The following GPC5 variants were observed in gnomAD, a reference collection of about 807,000 sequenced individuals.
GPC5 encodes the protein glypican 5, also known as glypican-5.
In GPC5, 47 loss-of-function variants were observed where a neutral mutation model predicts 53.9. The ratio of observed to expected loss-of-function variants is 0.87; its 90% CI spans 0.69 to 1.11. GPC5 has a LOEUF of 1.11. Among genes scored for constraint, GPC5 ranks in the 50% most tolerant of loss-of-function variants. GPC5 has a pLI of 0.00. For synonymous variants in GPC5, 286 were observed against 263.3 expected (o/e 1.09, Z -0.84); for missense variants, 748 against 713.1 (o/e 1.05, Z -0.56).
At chr13:91,498,058 C>G (rs1179778987) in intron 2 of GPC5, among the ~76,000 whole-genome samples, 1 of 151,166 alleles carries the variant, frequency 6.6e-6, no homozygotes, top group Non-Finnish European at 1.5e-5. Flanking sequence ...AAACCTCTTA[C>G]CGTGGCCTCT....
chr13:91,455,683 C>T (rs1881491267), intron 2 of GPC5, among the ~76,000 whole-genome samples: 2 of 152,080 alleles, frequency 1.3e-5, no homozygotes, highest in Non-Finnish European at 2.9e-5. Context: ...GAAATCCAAG[C>T]TCCCCACGAA....
intron 7 of GPC5, among the ~76,000 whole-genome samples, chr13:92,239,421 C>G (rs892966419): frequency 2.0e-5 from 3 of 151,902 alleles, no homozygotes; most frequent in Non-Finnish European, 2.9e-5. Context: ...TGAATACCCG[C>G]ACAATTCTTA....
chr13:92,196,924 T>C (rs909452009), intron 7 of GPC5, among the ~76,000 whole-genome samples: 1 of 152,190 alleles, frequency 6.6e-6, no homozygotes, highest in Non-Finnish European at 1.5e-5. Flanking sequence ...GCTCCTAAGT[T>C]AAAATAATAT....
intron 7 of GPC5, among the ~76,000 whole-genome samples, chr13:92,474,797 C>A (rs1051780538): frequency 1.3e-5 from 2 of 151,942 alleles, no homozygotes; most frequent in Non-Finnish European, 2.9e-5. Context: ...TTGTAGACAA[C>A]CCAAAGATAC....
chr13:91,643,718 G>T (rs1333929578), intron 2 of GPC5, among the ~76,000 whole-genome samples: 1 of 152,234 alleles, frequency 6.6e-6, no homozygotes, highest in South Asian at 2.1e-4. Flanking sequence ...TCCTCGGCTT[G>T]TAGAAGCATC....
chr13:91,401,836 A>C (rs2138741877), intron 1 of GPC5, among the ~76,000 whole-genome samples: 1 of 152,310 alleles, frequency 6.6e-6, no homozygotes, highest in South Asian at 2.1e-4. Context: ...AATTCTTTTA[A>C]GCCTATTGAG....
At chr13:91,841,399 G>A (rs1291665509) in intron 5 of GPC5, among the ~76,000 whole-genome samples, 1 of 150,340 alleles carries the variant, frequency 6.7e-6, no homozygotes, top group African/African-American at 2.5e-5. Flanking sequence ...CAGCAAAGAG[G>A]TCTTTTGGGT....
intron 6 of GPC5, among the ~76,000 whole-genome samples, chr13:92,133,842 A>G (rs893099469): frequency 1.1e-4 from 16 of 152,200 alleles, no homozygotes; most frequent in Admixed American, 3.9e-4. Context: ...CCCGCAGTCC[A>G]TGTAGAAAAT....
At chr13:91,410,969 C>A (rs186990453) in intron 1 of GPC5, among the ~76,000 whole-genome samples, 31 of 152,026 alleles carry the variant, frequency 2.0e-4, no homozygotes, top group Non-Finnish European at 4.4e-4. Flanking sequence ...ATTAGCTGGG[C>A]GTAGTGGCAC....
At position 92,087,021 on chromosome 13, in the gene GPC5, C is replaced by T. The variant is rs113003564; in HGVS notation, c.1402-57809C>T. Among the ~76,000 whole-genome samples, 458 of 152,308 alleles carry T rather than the reference C, an allele frequency of 3.0e-3. 4 individuals are homozygous for T. The highest frequency in any genetic ancestry group is 0.01 in the African/African-American group (426 of 41,570). On this transcript the variant is annotated intron_variant, in intron 6 of 7. Transcript: ENST00000377067. ...CAGGGAATGCCAGAATACACCAATTCCAAGCCAAATCCACACAGGAGTGAA... is the reference window on the plus strand; with the variant it reads ...CAGGGAATGCCAGAATACACCAATTTCAAGCCAAATCCACACAGGAGTGAA...
chr13:92,468,982 C>T (rs963890934), intron 7 of GPC5, among the ~76,000 whole-genome samples: 1 of 152,272 alleles, frequency 6.6e-6, no homozygotes, highest in Non-Finnish European at 1.5e-5. Flanking sequence ...CGTCCTATTC[C>T]TATCGCACAA....
chr13:91,840,786 T>C (rs922794891), intron 5 of GPC5, among the ~76,000 whole-genome samples: 3 of 151,788 alleles, frequency 2.0e-5, no homozygotes, highest in South Asian at 4.2e-4. Context: ...TCTTTAAATA[T>C]TTACAAACAT....
At chr13:92,581,606 G>A (rs1279220758) in intron 7 of GPC5, among the ~76,000 whole-genome samples, 1 of 152,052 alleles carries the variant, frequency 6.6e-6, no homozygotes, top group East Asian at 1.9e-4. Context: ...TTACTGGATC[G>A]TATGTTCTAT....
chr13:92,373,732 C>T (rs569295998), intron 7 of GPC5, among the ~76,000 whole-genome samples: 2 of 152,196 alleles, frequency 1.3e-5, no homozygotes, highest in African/African-American at 4.8e-5. Context: ...TACATCACAA[C>T]ATCCATTCAA....
intron 7 of GPC5, among the ~76,000 whole-genome samples, chr13:92,772,637 G>C (rs1157853364): frequency 6.6e-6 from 1 of 152,262 alleles, no homozygotes; most frequent in East Asian, 1.9e-4. Context: ...TCATAGAGTA[G>C]TTTGCTTATT....
intron 7 of GPC5, among the ~76,000 whole-genome samples, chr13:92,530,425 G>GC (rs1881519422): frequency 6.6e-6 from 1 of 151,906 alleles, no homozygotes; most frequent in South Asian, 2.1e-4. Context: ...AGTGCAGCCA[G>GC]TGGAGGCAAG....
intron 6 of GPC5, among the ~76,000 whole-genome samples, chr13:92,050,123 G>A (rs998797034): frequency 3.3e-5 from 5 of 152,148 alleles, no homozygotes; most frequent in African/African-American, 1.2e-4. Flanking sequence ...GAAATGAGGA[G>A]AGTGTACTCA....
chr13:91,825,066 T>C (rs1443137719), intron 5 of GPC5, among the ~76,000 whole-genome samples: 3 of 151,740 alleles, frequency 2.0e-5, no homozygotes, highest in African/African-American at 7.3e-5. Flanking sequence ...TATTCATCAA[T>C]GATGCTAACA....
At chr13:91,423,152 G>A (rs1298573984) in intron 1 of GPC5, among the ~76,000 whole-genome samples, 4 of 152,150 alleles carry the variant, frequency 2.6e-5, no homozygotes, top group Admixed American at 1.3e-4. Context: ...GTGAAAGGTA[G>A]GCTAAATATA....
Sources: allele counts gnomAD v4.1 joint callset (sites outside exome capture counted in the v4.1 genomes callset), GRCh38; gene constraint gnomAD v4.1.1; transcripts MANE v1.5; gene names NCBI Gene and HGNC (gene_info 2026-07-23, HGNC 2026-07-21).